Variants in DRC11 observed in about 807,000 individuals in gnomAD.
DRC11 encodes IQ and AAA domain-containing protein 1.
chr2:236,347,724 G>A, the DRC11 span, among the ~76,000 whole-genome samples: 2 of 151,786 alleles, frequency 1.3e-5, no homozygotes, highest in African/African-American at 4.8e-5. Flanking sequence ...GGAGGGGGGT[G>A]AGGGATGAAA....
chr2:236,356,710 C>T, the DRC11 span, among the ~76,000 whole-genome samples: 6 of 151,752 alleles, frequency 4.0e-5, no homozygotes, highest in Admixed American at 2.0e-4. Flanking sequence ...GGGCGGAGGT[C>T]AGAAAAAGCC....
the DRC11 span, chr2:236,324,796 A>G: frequency 1.3e-6 from 2 of 1,585,210 alleles, no homozygotes; most frequent in East Asian, 2.3e-5. This position sits in a 1 kb window ranked among gnomAD's most constrained non-coding sequence, Gnocchi z 5.7. Flanking sequence ...GAAATACAAT[A>G]GAAGTTTCGG....
chr2:236,396,495 C>T, the DRC11 span, among the ~76,000 whole-genome samples: 218 of 152,174 alleles, frequency 1.4e-3, 1 homozygote, highest in African/African-American at 4.6e-3. Flanking sequence ...CTAGGAGGGA[C>T]GCTGCTTGCT....
the DRC11 span, among the ~76,000 whole-genome samples, chr2:236,381,468 A>G: frequency 8.0e-5 from 12 of 150,284 alleles, no homozygotes; most frequent in East Asian, 4.0e-4. This position sits in a 1 kb window ranked among gnomAD's most constrained non-coding sequence, Gnocchi z 5.8. Flanking sequence ...GCAGTACCCA[A>G]TCGCCTTTCG....
the DRC11 span, chr2:236,507,172 A>G: frequency 1.4e-6 from 2 of 1,415,058 alleles, no homozygotes; most frequent in Non-Finnish European, 2.0e-6. Flanking sequence ...GAAAAGAAAA[A>G]AGAAAATAAG....
At chr2:236,383,699 A>G in the DRC11 span, among the ~76,000 whole-genome samples, 5 of 146,952 alleles carry the variant, frequency 3.4e-5, no homozygotes, top group African/African-American at 1.3e-4. Context: ...GTTTTAGGGT[A>G]CATGTGCACA....
chr2:236,480,330 A>G, the DRC11 span, among the ~76,000 whole-genome samples: 1 of 152,150 alleles, frequency 6.6e-6, no homozygotes, highest in East Asian at 1.9e-4. Flanking sequence ...TAAGGCTTCT[A>G]CCCTTTCTCA....
the DRC11 span, among the ~76,000 whole-genome samples, chr2:236,360,454 G>C: frequency 6.6e-6 from 1 of 152,218 alleles, no homozygotes; most frequent in Non-Finnish European, 1.5e-5. This position sits in a 1 kb window ranked among gnomAD's most constrained non-coding sequence, Gnocchi z 5.8. Flanking sequence ...ATGTGCTTCT[G>C]TCTGTTACTT....
the DRC11 span, chr2:236,497,389 A>G: frequency 6.2e-7 from 1 of 1,613,926 alleles, no homozygotes; most frequent in South Asian, 1.1e-5. This position sits in a 1 kb window ranked among gnomAD's most constrained non-coding sequence, Gnocchi z 5.1. Context: ...TTGAAAGATG[A>G]AAACCTGATT....
the DRC11 span, among the ~76,000 whole-genome samples, chr2:236,468,523 A>T: frequency 1.3e-5 from 2 of 152,232 alleles, no homozygotes; most frequent in Admixed American, 1.3e-4. Context: ...ATGATCATTA[A>T]TTGCCCCAAT....
the DRC11 span, among the ~76,000 whole-genome samples, chr2:236,498,069 A>G: frequency 2.0e-5 from 3 of 152,222 alleles, no homozygotes; most frequent in African/African-American, 7.2e-5. Context: ...CCAATGGACT[A>G]TCACACAGCA....
chr2:236,325,006 AG>A, the DRC11 span, among the ~76,000 whole-genome samples: 2 of 152,300 alleles, frequency 1.3e-5, no homozygotes, highest in South Asian at 2.1e-4. The surrounding 1 kb of genome is among the most constrained non-coding windows in gnomAD (Gnocchi z 4.4). Context: ...TTGTTAACTC[AG>A]GGAGTTAACA....
chr2:236,460,061 A>G, the DRC11 span, among the ~76,000 whole-genome samples: 1 of 152,210 alleles, frequency 6.6e-6, no homozygotes, highest in African/African-American at 2.4e-5. The surrounding 1 kb of genome is among the most constrained non-coding windows in gnomAD (Gnocchi z 4.0). Context: ...TTCAAAAAAC[A>G]ATATTTGCTT....
chr2:236,468,020 T>C, the DRC11 span, among the ~76,000 whole-genome samples: 2 of 152,166 alleles, frequency 1.3e-5, no homozygotes, highest in Non-Finnish European at 2.9e-5. Flanking sequence ...ACCACATATA[T>C]CATACTTTGT....
At chr2:236,315,091 C>T in the DRC11 span, among the ~76,000 whole-genome samples, 6 of 152,168 alleles carry the variant, frequency 3.9e-5, no homozygotes, top group Non-Finnish European at 8.8e-5. This position sits in a 1 kb window ranked among gnomAD's most constrained non-coding sequence, Gnocchi z 5.1. Context: ...GAATGATAGA[C>T]AGATGCAGTA....
chr2:236,482,837 T>C, the DRC11 span, among the ~76,000 whole-genome samples: 79 of 152,372 alleles, frequency 5.2e-4, no homozygotes, highest in African/African-American at 1.8e-3. This position sits in a 1 kb window ranked among gnomAD's most constrained non-coding sequence, Gnocchi z 4.5. Context: ...CCATGATTTA[T>C]ACAGAACCAT....
chr2:236,411,467 C>T, the DRC11 span, among the ~76,000 whole-genome samples: 75 of 151,972 alleles, frequency 4.9e-4, no homozygotes, highest in Non-Finnish European at 8.7e-4. Flanking sequence ...ACTAGTTCAA[C>T]CATTGTGGAA....
At chr2:236,440,937 G>A in the DRC11 span, 1 of 688,180 alleles carries the variant, frequency 1.5e-6, no homozygotes, top group Non-Finnish European at 2.5e-6. Context: ...AATATTTGTA[G>A]GAAAATAACC....
chr2:236,487,758 T>G, the DRC11 span, among the ~76,000 whole-genome samples: 3 of 152,368 alleles, frequency 2.0e-5, no homozygotes, highest in Admixed American at 2.0e-4. Context: ...CCAATGGTCT[T>G]TAACAATATT....
Sources: gnomAD v4.1 joint callset for allele counts (sites outside exome capture counted in the v4.1 genomes callset) on GRCh38, gnomAD v4.1.1 for gene constraint, Gnocchi (gnomAD v3.1) non-coding constraint, MANE v1.5 for transcripts, NCBI Gene and HGNC (gene_info 2026-07-23, HGNC 2026-07-21) for gene names.